Variants in UTY observed in about 807,000 individuals in gnomAD.
UTY encodes ubiquitously transcribed tetratricopeptide repeat containing, Y-linked, also known as histone demethylase UTY.
In UTY, 12 loss-of-function variants were observed where a neutral mutation model predicts 32.5. The observed-to-expected ratio is 0.37, with a 90% CI of 0.24 to 0.60. The LOEUF (loss-of-function observed/expected upper bound fraction) is 0.60. Among genes scored for constraint, UTY ranks in the 20% least tolerant of loss-of-function variants. UTY has a pLI of 0.69. For missense variants in UTY, 303 were observed against 299.2 expected, an observed-to-expected ratio of 1.01 and a Z score of -0.09; for synonymous variants, 131 against 103.4, an observed-to-expected ratio of 1.27 and a Z score of -1.62.
chrY:13,421,279 G>A, intron 4 of UTY, among the ~76,000 whole-genome samples: 1 of 33,475 alleles, frequency 3.0e-5, no homozygotes, highest in Non-Finnish European at 7.4e-5. Flanking sequence ...CTTGGTGGGA[G>A]TGTAAATAAA....
At chrY:13,394,759 T>C (rs2067949098) in intron 7 of UTY, among the ~76,000 whole-genome samples, 1 of 33,351 alleles carries the variant, frequency 3.0e-5, no homozygotes, top group Non-Finnish European at 7.4e-5. Flanking sequence ...CCTTTGTCTC[T>C]CCTCCCTTCC....
intron 11 of UTY, 108 bp from the exon 12 acceptor site, chrY:13,360,094 G>A: frequency 8.7e-6 from 2 of 230,878 alleles, no homozygotes; most frequent in Non-Finnish European, 1.4e-5. Flanking sequence ...GGAGTGAAGT[G>A]GCATTTCCAT....
chrY:13,382,875 G>A, intron 8 of UTY, among the ~76,000 whole-genome samples: 1 of 33,588 alleles, frequency 3.0e-5, no homozygotes, highest in Non-Finnish European at 7.4e-5. Context: ...TATAGCACGA[G>A]TAAAAAGATT....
intron 6 of UTY, among the ~76,000 whole-genome samples, chrY:13,398,086 A>G: frequency 5.9e-5 from 2 of 33,944 alleles, no homozygotes; most frequent in East Asian, 1.5e-3. Context: ...TACATAGAAC[A>G]TAAGTTCTTT....
chrY:13,430,525 C>A, intron 4 of UTY, among the ~76,000 whole-genome samples: 1 of 33,173 alleles, frequency 3.0e-5, no homozygotes, highest in East Asian at 7.8e-4. Context: ...TCTCTGATGA[C>A]CTTCTGACCT....
intron 6 of UTY, among the ~76,000 whole-genome samples, chrY:13,410,561 CAT>C (rs2070772740): frequency 6.0e-5 from 2 of 33,127 alleles, no homozygotes; most frequent in South Asian, 6.6e-4. Context: ...TGCTATGACA[CAT>C]GTTTTGCTAT....
intron 4 of UTY, among the ~76,000 whole-genome samples, chrY:13,445,139 G>A (rs1347738857): frequency 8.2e-4 from 14 of 16,991 alleles, no homozygotes; most frequent in Non-Finnish European, 1.4e-3. Flanking sequence ...TGGCAACAGA[G>A]CAAGACTCTG....
At chrY:13,390,144 G>T (rs2067350164) in intron 8 of UTY, among the ~76,000 whole-genome samples, 1 of 28,642 alleles carries the variant, frequency 3.5e-5, no homozygotes, top group Non-Finnish European at 9.4e-5. Context: ...TTTTCCTGGA[G>T]GTGTTAATTA....
intron 27 of UTY, among the ~76,000 whole-genome samples, 180 bp from the exon 28 acceptor site, chrY:13,260,584 G>C: frequency 3.0e-5 from 1 of 33,479 alleles, no homozygotes; most frequent in East Asian, 7.6e-4. Context: ...ATTTAAAGTT[G>C]AGAATAACTG....
intron 6 of UTY, among the ~76,000 whole-genome samples, chrY:13,401,811 G>A: frequency 6.1e-5 from 2 of 32,846 alleles, no homozygotes; most frequent in African/African-American, 2.4e-4. Flanking sequence ...AGGAGGCAAG[G>A]GTTGCAGTGA....
intron 27 of UTY, among the ~76,000 whole-genome samples, chrY:13,265,917 A>T (rs2055738053): frequency 3.0e-5 from 1 of 33,135 alleles, no homozygotes; most frequent in Non-Finnish European, 7.4e-5. Flanking sequence ...TTCCATCAAT[A>T]CCTCGTTTAC....
chrY:13,470,837 T>A, intron 2 of UTY, among the ~76,000 whole-genome samples: 1 of 32,892 alleles, frequency 3.0e-5, no homozygotes, highest in Admixed American at 2.8e-4. Context: ...ACAACAAAAC[T>A]ACTCTCAAAT....
At chrY:13,457,004 A>C (rs2076836940) in intron 3 of UTY, among the ~76,000 whole-genome samples, 2 of 33,448 alleles carry the variant, frequency 6.0e-5, no homozygotes, top group Non-Finnish European at 1.5e-4. Context: ...TTCCTCACAA[A>C]TTTCTAGTAC....
intron 4 of UTY, among the ~76,000 whole-genome samples, chrY:13,446,619 T>TAGATAGACAGACAGAC (rs1556515298): frequency 9.1e-4 from 13 of 14,269 alleles, no homozygotes; most frequent in East Asian, 2.8e-3. Flanking sequence ...GATAGATAGA[T>TAGATAGACAGACAGAC]AGACAGACAG....
chrY:13,339,869 T>C, intron 17 of UTY, among the ~76,000 whole-genome samples: 1 of 32,738 alleles, frequency 3.1e-5, no homozygotes, highest in African/African-American at 1.2e-4. Context: ...CCTCCCATAA[T>C]AGGATCTGGA....
chrY:13,320,048 T>C, intron 21 of UTY, among the ~76,000 whole-genome samples: 1 of 33,126 alleles, frequency 3.0e-5, no homozygotes, highest in Non-Finnish European at 7.5e-5. Context: ...ACCTAATTAG[T>C]CCTTTAAAAT....
chrY:13,427,180 CA>C (rs2073411975), intron 4 of UTY, among the ~76,000 whole-genome samples: 1 of 33,733 alleles, frequency 3.0e-5, no homozygotes, highest in Non-Finnish European at 7.4e-5. Context: ...GGCAATCACA[CA>C]GCAAAAAGCT....
At position 13,359,869 on chromosome Y, in the gene UTY, G is replaced by A; in HGVS notation, c.1083C>T (p.Ser361=). 1 of 398,258 alleles carries A rather than the reference G, an allele frequency of 2.5e-6. No homozygotes were observed. Among genetic ancestry groups the A allele is most frequent in the Non-Finnish European group, 3.5e-6 (1 of 283,376 alleles). ...TAATGGCATCTTGAGGTTGATTGCA[G>A]GATTCATAGAGAGTACCTAGGTCCA... ...AWMDLGTLYE[S]CNQPQDAIKC... is the part of the protein sequence containing the mutation. The change falls in exon 12 of 30, where the codon TCC becomes TCT. Residue 361 remains serine (S), a synonymous_variant. Coordinates refer to ENST00000545955, the MANE Select transcript of UTY (RefSeq NM_001258249.2).
At chrY:13,260,890 T>A in intron 27 of UTY, among the ~76,000 whole-genome samples, 1 of 33,565 alleles carries the variant, frequency 3.0e-5, no homozygotes, top group African/African-American at 1.2e-4. Context: ...TTAGTTCCAA[T>A]ATAATAACAA....
Sources: allele counts gnomAD v4.1 joint callset (sites outside exome capture counted in the v4.1 genomes callset), GRCh38; gene constraint gnomAD v4.1.1; transcripts MANE v1.5; gene names NCBI Gene and HGNC (gene_info 2026-07-23, HGNC 2026-07-21).